The following PHLPP1 variants were observed in gnomAD, a reference collection of about 807,000 sequenced individuals.
PHLPP1 encodes the protein PH domain leucine-rich repeat-containing protein phosphatase 1.
A neutral mutation model predicts 117.2 loss-of-function variants in PHLPP1; 42 were observed. That is an observed-to-expected ratio of 0.36 (90% CI 0.28 to 0.46). PHLPP1 has a LOEUF of 0.46. PHLPP1 is among the 20% of genes least tolerant of loss of function. The probability of loss-of-function intolerance (pLI) is 1.00; values close to 1 mark genes in which losing one functional copy is unlikely to be tolerated. For synonymous variants in PHLPP1, 1,042 were observed against 970.7 expected (o/e 1.07, Z -1.37); for missense variants, 2,084 against 2,241.9 (o/e 0.93, Z 1.42).
intron 1 of PHLPP1, among the ~76,000 whole-genome samples, chr18:62,724,124 G>C (rs186923096): frequency 1.3e-5 from 2 of 152,096 alleles, no homozygotes; most frequent in Non-Finnish European, 2.9e-5. Context: ...GACAAGAATC[G>C]ATGTTTGATT....
chr18:62,972,364 T>C, intron 14 of PHLPP1, 150 bp from the exon 15 acceptor site: 1 of 602,516 alleles, frequency 1.7e-6, no homozygotes, highest in East Asian at 3.0e-5. Flanking sequence ...CTGTTGGAAA[T>C]TAGCTGGAGT....
At chr18:62,834,457 C>T (rs1232124949) in intron 2 of PHLPP1, among the ~76,000 whole-genome samples, 10 of 152,096 alleles carry the variant, frequency 6.6e-5, no homozygotes, top group Non-Finnish European at 1.5e-5. Flanking sequence ...GCATAGGGGA[C>T]AATGAAGAAC....
intron 13 of PHLPP1, 26 bp downstream of exon 13, chr18:62,958,785 C>G: frequency 6.2e-7 from 1 of 1,612,166 alleles, no homozygotes. Flanking sequence ...AGCACTGTAT[C>G]CCCATCATTG....
At position 62,978,406 on chromosome 18, in the gene PHLPP1, T is replaced by C; in HGVS notation, c.4129T>C (p.Trp1377Arg). The C allele has an allele frequency of 6.2e-7, 1 of 1,612,466 alleles. No individual in the cohort carries two copies. Among genetic ancestry groups the C allele is most frequent in the East Asian group, 2.2e-5 (1 of 44,828 alleles). ...CTTCATCCTAGGCAGTAAGGGGTTG[T>C]GGGACAGCCTGTCCGTCGAGGAGGC... Reference protein sequence around the residue: ...EFFILGSKGLWDSLSVEEAVE... With the variant: ...EFFILGSKGLRDSLSVEEAVE... The change falls in exon 17 of 17, where the codon TGG (tryptophan) becomes CGG (arginine). Residue 1377 changes from tryptophan (W) to arginine (R), a missense_variant. Transcript: ENST00000262719. The surrounding 1 kb of genome is among the most constrained non-coding windows in gnomAD (Gnocchi z 7.0).
chr18:62,838,684 C>A, intron 2 of PHLPP1, 100 bp from the exon 3 acceptor site: 2 of 1,172,220 alleles, frequency 1.7e-6, no homozygotes, highest in Non-Finnish European at 2.5e-6. Context: ...GGGAAACATG[C>A]AAATCCATGC....
At chr18:62,753,889 G>C (rs974310426) in intron 1 of PHLPP1, among the ~76,000 whole-genome samples, 1 of 152,148 alleles carries the variant, frequency 6.6e-6, no homozygotes, top group African/African-American at 2.4e-5. Flanking sequence ...AGTAATTTTT[G>C]ATCCTGTGAG....
At position 62,715,794 on chromosome 18, in the gene PHLPP1, C is replaced by T. The variant is rs962823841; in HGVS notation, c.111C>T (p.Ala37=). ...AAAAAAAAAA[A]AAALAAAAGG... is the part of the protein sequence containing the mutation. ...CGGCAGCAGCAGCAGCAGCGGCGGCCGCGGCGGCTCTGGCGGCGGCGGCCG... is the reference window on the plus strand; with the variant it reads ...CGGCAGCAGCAGCAGCAGCGGCGGCTGCGGCGGCTCTGGCGGCGGCGGCCG... Residue 37 remains alanine (A), a synonymous_variant, in exon 1 of 17, where the codon GCC becomes GCT. Transcript: ENST00000262719. The T allele has an allele frequency of 4.3e-6, 3 of 704,158 alleles. No homozygotes were observed. Among genetic ancestry groups the T allele is most frequent in the Non-Finnish European group, 5.3e-6 (3 of 569,500 alleles). The allele number at this position is 704,158 out of a possible 1,614,324, so 43.6% of individuals were successfully genotyped here. A position where few individuals can be genotyped will look rare whatever the true frequency, so the allele number is the denominator to read the frequency against.
At position 62,856,535 on chromosome 18, in the gene PHLPP1, C is replaced by T. The variant is rs1028552784; in HGVS notation, c.1900-3900C>T. Among the ~76,000 whole-genome samples the T allele has an allele frequency of 3.9e-5, 6 of 152,212 alleles. No individual in the cohort carries two copies. In the South Asian group the frequency reaches 1.0e-3, roughly 26 times the overall value. On this transcript the variant is annotated intron_variant, in intron 3 of 16. Coordinates refer to ENST00000262719, the MANE Select transcript of PHLPP1 (RefSeq NM_194449.4). ...CTCGACCTTCTGGGCTCAAGTGGTC[C>T]GTCCACCTCAGCCTCCCGAGTAGCT...
chr18:62,924,745 G>A (rs1178152941), intron 10 of PHLPP1, among the ~76,000 whole-genome samples: 1 of 149,412 alleles, frequency 6.7e-6, no homozygotes, highest in East Asian at 2.0e-4. Context: ...GGCTGAGGTG[G>A]GAGGATCCCT....
chr18:62,880,600 C>T (rs1427642063), intron 4 of PHLPP1, among the ~76,000 whole-genome samples: 4 of 151,542 alleles, frequency 2.6e-5, no homozygotes, highest in Non-Finnish European at 5.9e-5. Flanking sequence ...AATTAATGGG[C>T]TAACTATGGG....
intron 11 of PHLPP1, among the ~76,000 whole-genome samples, chr18:62,942,808 C>T (rs1910167181): frequency 6.6e-6 from 1 of 152,160 alleles, no homozygotes; most frequent in African/African-American, 2.4e-5. Context: ...CATAGCTTCC[C>T]TCTGCTGCCT....
intron 12 of PHLPP1, among the ~76,000 whole-genome samples, chr18:62,955,998 G>T (rs1174068163): frequency 6.6e-6 from 1 of 151,854 alleles, no homozygotes; most frequent in Non-Finnish European, 1.5e-5. Flanking sequence ...ATTAAACTCT[G>T]GTTGACTGTT....
intron 1 of PHLPP1, among the ~76,000 whole-genome samples, chr18:62,775,715 A>C (rs1912932295): frequency 6.6e-6 from 1 of 152,216 alleles, no homozygotes; most frequent in Admixed American, 6.5e-5. Context: ...ATTTATATAC[A>C]GTAAACTGTC....
intron 4 of PHLPP1, among the ~76,000 whole-genome samples, chr18:62,890,422 C>T (rs141474609): frequency 0.014 from 2,163 of 152,076 alleles, 47 homozygotes; most frequent in African/African-American, 0.05. Flanking sequence ...CCCGCCACCA[C>T]GCTCGGCTAA....
chr18:62,790,381 A>G (rs1268783959), intron 1 of PHLPP1, among the ~76,000 whole-genome samples: 1 of 152,178 alleles, frequency 6.6e-6, no homozygotes, highest in Non-Finnish European at 1.5e-5. Flanking sequence ...CATTTATTAT[A>G]CTCTAATATA....
At chr18:62,881,841 A>G (rs529058136) in intron 4 of PHLPP1, among the ~76,000 whole-genome samples, 2 of 152,362 alleles carry the variant, frequency 1.3e-5, no homozygotes, top group African/African-American at 4.8e-5. Context: ...GTTCAGTTAC[A>G]GGCCAATGGA....
intron 4 of PHLPP1, among the ~76,000 whole-genome samples, chr18:62,894,330 G>A (rs967956092): frequency 6.6e-6 from 1 of 152,108 alleles, no homozygotes; most frequent in African/African-American, 2.4e-5. Context: ...TGAGTAGCTG[G>A]GATTACAGGG....
chr18:62,962,177 G>A (rs1258485599), intron 13 of PHLPP1, among the ~76,000 whole-genome samples: 1 of 152,166 alleles, frequency 6.6e-6, no homozygotes, highest in African/African-American at 2.4e-5. Flanking sequence ...TTCACCTTGT[G>A]GTAGCCAGCC....
intron 12 of PHLPP1, among the ~76,000 whole-genome samples, chr18:62,946,305 A>T (rs1910279304): frequency 1.3e-5 from 2 of 152,164 alleles, no homozygotes; most frequent in South Asian, 4.1e-4. Flanking sequence ...CTTGTTGCCC[A>T]GGCTGGAGTG....
Sources: gnomAD v4.1 joint callset for allele counts (sites outside exome capture counted in the v4.1 genomes callset) on GRCh38, gnomAD v4.1.1 for gene constraint, Gnocchi (gnomAD v3.1) non-coding constraint, MANE v1.5 for transcripts, NCBI Gene and HGNC (gene_info 2026-07-23, HGNC 2026-07-21) for gene names.